The following FBN2 variants were observed in gnomAD, a reference collection of about 807,000 sequenced individuals.
FBN2 encodes fibrillin-2.
Under a neutral mutation model 355.6 loss-of-function variants are expected in FBN2, and 105 were observed. The observed-to-expected ratio is 0.30, with a 90% CI of 0.25 to 0.35. The LOEUF (loss-of-function observed/expected upper bound fraction) is 0.35, where lower values mean the gene tolerates loss of function less well. FBN2 is among the 10% of genes least tolerant of loss of function. FBN2 has a pLI of 1.00. For missense variants in FBN2, 3,280 were observed against 3,758.7 expected (o/e 0.87, Z 3.33); for synonymous variants, 1,350 against 1,301.2 (o/e 1.04, Z -0.81).
chr5:128,410,017 T>A (rs907380132), intron 7 of FBN2, among the ~76,000 whole-genome samples: 2 of 152,210 alleles, frequency 1.3e-5, no homozygotes, highest in Admixed American at 1.3e-4. Flanking sequence ...ACGCTGTGTG[T>A]CTTCTTGGCA....
At chr5:128,527,167 T>C (rs1220634229) in intron 4 of FBN2, among the ~76,000 whole-genome samples, 4 of 152,286 alleles carry the variant, frequency 2.6e-5, no homozygotes, top group South Asian at 4.1e-4. Context: ...CTTCAAAATA[T>C]GTGAATTCCC....
At chr5:128,443,051 T>G (rs995123679) in intron 7 of FBN2, among the ~76,000 whole-genome samples, 2 of 152,200 alleles carry the variant, frequency 1.3e-5, no homozygotes, top group African/African-American at 4.8e-5. Context: ...GAATAAGATT[T>G]CTGTTAAGAA....
chr5:128,410,032 C>T (rs57502619), intron 7 of FBN2, among the ~76,000 whole-genome samples: 82 of 152,158 alleles, frequency 5.4e-4, no homozygotes, highest in African/African-American at 1.9e-3. Context: ...TTGGCATGTT[C>T]TTATAAAAAA....
Position 128,537,371 on chromosome 5 carries a change from C to T in FBN2, c.233G>A (p.Gly78Glu). Residue 78 changes from glycine to glutamate, a missense_variant, in exon 1 of 65, where the codon GGA becomes GAA. Around this residue, in one of 6 missense-constraint regions of FBN2, gnomAD observed 203 missense variants for 142.2 expected, o/e 1.43. Transcript: ENST00000262464. ...AAVASRVRRR[G>E]QQDVLRGPNV... ...TTACCCTCGGAGCACGTCCTGCTGT[C>T]CTCGCCGGCGGACGCGGCTGGCCAC... 1 of 1,610,952 alleles carries T rather than the reference C, an allele frequency of 6.2e-7. No individual in the cohort carries two copies. Among genetic ancestry groups the T allele is most frequent in the Non-Finnish European group, 8.5e-7 (1 of 1,179,800 alleles).
intron 7 of FBN2, among the ~76,000 whole-genome samples, chr5:128,433,892 TA>T (rs1403318439): frequency 1.3e-5 from 2 of 152,114 alleles, no homozygotes; most frequent in African/African-American, 4.8e-5. Context: ...AAAGCTTACA[TA>T]AAAACATAGC....
chr5:128,489,082 T>C (rs949041737), intron 5 of FBN2, among the ~76,000 whole-genome samples: 2 of 151,892 alleles, frequency 1.3e-5, no homozygotes, highest in Admixed American at 1.3e-4. Context: ...CCGCACTGAC[T>C]TCCACAATGG....
At chr5:128,275,445 T>A (rs561012824) in intron 59 of FBN2, among the ~76,000 whole-genome samples, 33 of 148,912 alleles carry the variant, frequency 2.2e-4, no homozygotes, top group Middle Eastern at 3.5e-3. Flanking sequence ...TGCTATTATT[T>A]TTTTTTTTTT....
intron 8 of FBN2, among the ~76,000 whole-genome samples, chr5:128,402,972 T>G (rs1752834216): frequency 6.6e-6 from 1 of 152,264 alleles, no homozygotes; most frequent in Admixed American, 6.5e-5. Context: ...TTCCTCACTG[T>G]AAGGAAAACT....
intron 32 of FBN2, 102 bp from the exon 33 acceptor site, chr5:128,330,797 A>G (rs1309103419): frequency 1.3e-5 from 17 of 1,290,002 alleles, no homozygotes; most frequent in Non-Finnish European, 1.7e-5. Context: ...GATAAATGAC[A>G]GGCATTTTAG....
chr5:128,324,536 G>T (rs936563256), intron 34 of FBN2, among the ~76,000 whole-genome samples: 8 of 150,988 alleles, frequency 5.3e-5, no homozygotes, highest in Non-Finnish European at 1.0e-4. Context: ...CCTTAATTTT[G>T]TTATTTACCC....
Position 128,364,491 on chromosome 5 carries a change from G to T in FBN2, c.2428+109C>A, listed in dbSNP as rs28763950. On this transcript the variant is annotated intron_variant, in intron 18 of 64. Transcript: ENST00000262464. ...TCAATGTGTAATATGAAGAAAACAA[G>T]AAAAACTGTACAATTTTTAGTTTTA... 1.9e-3 allele frequency: 2,310 copies of T among 1,200,794 alleles called. 35 individuals carry two copies. In the African/African-American group the frequency reaches 0.032, roughly 16 times the overall value. 74.4% of individuals were successfully genotyped at this position (1,200,794 alleles called of 1,614,324 possible).
At chr5:128,375,311 G>T (rs947497212) in intron 14 of FBN2, among the ~76,000 whole-genome samples, 2 of 152,114 alleles carry the variant, frequency 1.3e-5, no homozygotes, top group African/African-American at 4.8e-5. Context: ...TAATTAATAA[G>T]AACTAATTTC....
intron 34 of FBN2, among the ~76,000 whole-genome samples, chr5:128,324,752 C>T (rs1000904667): frequency 5.9e-5 from 9 of 151,742 alleles, no homozygotes; most frequent in African/African-American, 1.7e-4. Flanking sequence ...TGAGTAGCTA[C>T]GACTACAGGT....
At chr5:128,315,973 G>A (rs1022543247) in intron 36 of FBN2, among the ~76,000 whole-genome samples, 3 of 152,140 alleles carry the variant, frequency 2.0e-5, no homozygotes, top group Admixed American at 1.3e-4. Context: ...TTAGAATCTA[G>A]ACAAAAGAGC....
chr5:128,299,422 C>T (rs1749644689), intron 48 of FBN2, among the ~76,000 whole-genome samples: 1 of 61,890 alleles, frequency 1.6e-5, no homozygotes, highest in Admixed American at 1.8e-4. Context: ...GTGGGCGCCC[C>T]TCCCCCAGCC....
At chr5:128,510,917 C>T (rs1472327865) in intron 5 of FBN2, among the ~76,000 whole-genome samples, 1 of 152,132 alleles carries the variant, frequency 6.6e-6, no homozygotes, top group Admixed American at 6.5e-5. Context: ...ACCAGTGTTC[C>T]AATCCTACTT....
intron 32 of FBN2, among the ~76,000 whole-genome samples, chr5:128,332,334 AC>A (rs1750716030): frequency 6.6e-6 from 1 of 152,170 alleles, no homozygotes; most frequent in African/African-American, 2.4e-5. Context: ...TGTGAATGAC[AC>A]TCAGGGTATA....
At chr5:128,274,486 T>A (rs1308159403) in intron 60 of FBN2, 81 bp downstream of exon 60, 3 of 820,798 alleles carry the variant, frequency 3.7e-6, no homozygotes, top group Non-Finnish European at 6.4e-6. Flanking sequence ...ACCAGGACAT[T>A]CTTCTGTTTA....
chr5:128,309,325 T>C lies in FBN2; in HGVS notation c.5275A>G (p.Lys1759Glu), dbSNP rs201113098. ...TTATATGTGCAGCAGCACATCCTTTTTGTCACATTGAAAGGCAACTCATTC... is the reference window on the plus strand; with the variant it reads ...TTATATGTGCAGCAGCACATCCTTTCTGTCACATTGAAAGGCAACTCATTC... ...CENELPFNVT[K>E]RMCCCTYNVG... is the part of the protein sequence containing the mutation. The change falls in exon 41 of 65, where the codon AAA (lysine) becomes GAA (glutamate). Residue 1759 changes from lysine (K) to glutamate (E), a missense_variant. This residue lies in a region of FBN2 where 2,284 missense variants were observed against 2,749.5 expected (regional missense o/e 0.83). Transcript: ENST00000262464. 6.2e-7 allele frequency: 1 copy of C among 1,614,054 alleles called. No individual in the cohort carries two copies. Among genetic ancestry groups the C allele is most frequent in the Admixed American group, 1.7e-5 (1 of 60,022 alleles).
Sources: gnomAD v4.1 joint callset for allele counts (sites outside exome capture counted in the v4.1 genomes callset) on GRCh38, gnomAD v4.1.1 for gene constraint, gnomAD v4.1.1 regional missense constraint, MANE v1.5 for transcripts, NCBI Gene and HGNC (gene_info 2026-07-23, HGNC 2026-07-21) for gene names.